The following TENM2 variants were observed in gnomAD, a reference collection of about 807,000 sequenced individuals.
TENM2 encodes teneurin transmembrane protein 2.
TENM2 carries 52 observed loss-of-function variants against 245.2 expected under a neutral mutation model. The ratio of observed to expected loss-of-function variants is 0.21; its 90% confidence interval spans 0.17 to 0.27. The LOEUF is 0.27. Ranked by LOEUF, TENM2 falls within the 10% of genes least tolerant of loss-of-function variation. The probability of loss-of-function intolerance (pLI) is 1.00; values close to 1 mark genes in which losing one functional copy is unlikely to be tolerated. For missense variants in TENM2, 3,046 were observed against 3,666.8 expected, an observed-to-expected ratio of 0.83 and a Z score of 4.37; for synonymous variants, 1,363 against 1,438.9, an observed-to-expected ratio of 0.95 and a Z score of 1.19.
At chr5:167,825,473 A>G (rs919203471) in intron 2 of TENM2, among the ~76,000 whole-genome samples, 1 of 152,150 alleles carries the variant, frequency 6.6e-6, no homozygotes, top group Non-Finnish European at 1.5e-5. Context: ...AGCAGAAGGG[A>G]GGCTGGGGAG....
At chr5:168,056,104 C>A (rs912033997) in intron 6 of TENM2, among the ~76,000 whole-genome samples, 2 of 152,138 alleles carry the variant, frequency 1.3e-5, no homozygotes, top group African/African-American at 4.8e-5. Flanking sequence ...TCAGGGAAGC[C>A]CAGCTTCAAG....
chr5:167,177,955 C>G, the TENM2 span, among the ~76,000 whole-genome samples: 1 of 152,210 alleles, frequency 6.6e-6, no homozygotes, highest in African/African-American at 2.4e-5. Context: ...GCAGCCTCAG[C>G]TGCCACCTAT....
At chr5:167,396,798 G>A (rs1359529068) in intron 2 of TENM2, among the ~76,000 whole-genome samples, 1 of 152,176 alleles carries the variant, frequency 6.6e-6, no homozygotes, top group African/African-American at 2.4e-5. Flanking sequence ...TTGACATACA[G>A]AGGGACAGTA....
chr5:167,451,308 G>A (rs1765568875), intron 2 of TENM2, among the ~76,000 whole-genome samples: 1 of 152,156 alleles, frequency 6.6e-6, no homozygotes, highest in Admixed American at 6.6e-5. Context: ...ACACCACATG[G>A]TTTCAATTAC....
At chr5:168,188,403 G>T (rs888698747) in intron 13 of TENM2, among the ~76,000 whole-genome samples, 1 of 152,088 alleles carries the variant, frequency 6.6e-6, no homozygotes, top group Non-Finnish European at 1.5e-5. Flanking sequence ...TATTCAATCC[G>T]CTCCCAGCCG....
chr5:167,124,773 A>C, the TENM2 span, among the ~76,000 whole-genome samples: 1 of 152,188 alleles, frequency 6.6e-6, no homozygotes, highest in East Asian at 1.9e-4. Context: ...AATGTCTAGC[A>C]ATTACCAGTG....
chr5:168,130,734 C>T (rs891077079), intron 12 of TENM2, among the ~76,000 whole-genome samples: 1 of 152,142 alleles, frequency 6.6e-6, no homozygotes, highest in Admixed American at 6.5e-5. Context: ...CCTGTCACTA[C>T]AAAAATTAGC....
chr5:168,036,827 TTATC>T lies in TENM2; in HGVS notation c.1187-10597_1187-10594del, dbSNP rs1434630886. On this transcript the variant is annotated intron_variant, in intron 5 of 28. Coordinates refer to ENST00000518659, the Ensembl canonical transcript of TENM2. ...TTCAAAATAAGTCTACTTGTATCAC[TTATC>T]TAATTGCAGATGAAAATGTAGTTCT... Among the ~76,000 whole-genome samples the T allele has an allele frequency of 6.6e-5, 10 of 151,482 alleles. No individual in the cohort carries two copies. The East Asian group carries it at 1.9e-3, about 29-fold the overall frequency.
chr5:167,003,179 A>C, the TENM2 span, among the ~76,000 whole-genome samples: 1 of 152,298 alleles, frequency 6.6e-6, no homozygotes, highest in South Asian at 2.1e-4. Flanking sequence ...AGTGATACCA[A>C]GTACTTCAAG....
intron 5 of TENM2, among the ~76,000 whole-genome samples, chr5:168,020,608 C>A (rs982154845): frequency 1.3e-5 from 2 of 152,140 alleles, no homozygotes; most frequent in South Asian, 4.1e-4. Context: ...AAGACGGTTG[C>A]GTCTTCACCT....
At chr5:167,592,140 A>C (rs1455569731) in intron 2 of TENM2, among the ~76,000 whole-genome samples, 1 of 152,188 alleles carries the variant, frequency 6.6e-6, no homozygotes, top group Non-Finnish European at 1.5e-5. Context: ...ATGGAACTGA[A>C]TTAAAACGAT....
chr5:167,587,976 T>C (rs574191123), intron 2 of TENM2, among the ~76,000 whole-genome samples: 13 of 152,270 alleles, frequency 8.5e-5, no homozygotes, highest in Admixed American at 2.0e-4. Context: ...CTCCCTCTGC[T>C]GCCATTAGTG....
chr5:167,528,258 C>G (rs1771252965), intron 2 of TENM2, among the ~76,000 whole-genome samples: 5 of 152,080 alleles, frequency 3.3e-5, no homozygotes, highest in Admixed American at 3.3e-4. Flanking sequence ...GTGCCCCTAG[C>G]TCATTTGGAA....
At chr5:167,746,386 T>A (rs755563720) in intron 2 of TENM2, among the ~76,000 whole-genome samples, 1 of 152,168 alleles carries the variant, frequency 6.6e-6, no homozygotes, top group Non-Finnish European at 1.5e-5. Context: ...TTGACATGGA[T>A]ACATAGATCG....
chr5:167,384,860 A>G (rs1179432891), intron 2 of TENM2, among the ~76,000 whole-genome samples: 1 of 152,218 alleles, frequency 6.6e-6, no homozygotes, highest in Non-Finnish European at 1.5e-5. Context: ...GCAGAAATTA[A>G]CCTCTGACTA....
chr5:167,841,249 G>A (rs986138115), intron 2 of TENM2, among the ~76,000 whole-genome samples: 7 of 151,954 alleles, frequency 4.6e-5, no homozygotes, highest in African/African-American at 1.7e-4. Flanking sequence ...GTAGTGATGG[G>A]GTTTCACCAT....
At chr5:168,262,018 C>T (rs765091761) in intron 28 of TENM2, 31 bp from the exon 31 acceptor site, 2 of 1,599,502 alleles carry the variant, frequency 1.3e-6, no homozygotes, top group African/African-American at 2.7e-5. Flanking sequence ...AGCTCATCTT[C>T]TCAGCTTTCT....
intron 2 of TENM2, among the ~76,000 whole-genome samples, chr5:167,402,033 A>C (rs772196922): frequency 1.3e-5 from 2 of 152,138 alleles, no homozygotes; most frequent in Admixed American, 6.6e-5. Flanking sequence ...CTTTTTTAAC[A>C]GTCCCTTTAA....
chr5:167,715,069 A>G (rs1009608282), intron 2 of TENM2, among the ~76,000 whole-genome samples: 4 of 152,156 alleles, frequency 2.6e-5, no homozygotes, highest in African/African-American at 9.7e-5. Context: ...AAAGGATGCC[A>G]AGAAACACAG....
Sources: allele counts gnomAD v4.1 joint callset (sites outside exome capture counted in the v4.1 genomes callset), GRCh38; gene constraint gnomAD v4.1.1; transcripts MANE v1.5; gene names NCBI Gene and HGNC (gene_info 2026-07-23, HGNC 2026-07-21).